WDR41: variants seen among roughly 807,000 people sequenced by gnomAD.
WDR41 encodes WD repeat domain 41, also known as WD repeat-containing protein 41.
WDR41 carries 63 observed loss-of-function variants against 69.3 expected under a neutral mutation model. The observed-to-expected ratio is 0.91, with a 90% CI of 0.74 to 1.12. WDR41 has a LOEUF of 1.12. WDR41 is among the 50% of genes most tolerant of loss of function. The pLI, the probability that WDR41 is intolerant of heterozygous loss-of-function variation, is 0.00. For synonymous variants in WDR41, 185 were observed against 192.1 expected, an observed-to-expected ratio of 0.96 and a Z score of 0.31; for missense variants, 543 against 534.5, an observed-to-expected ratio of 1.02 and a Z score of -0.16.
At chr5:77,507,656 T>G (rs1350951061) in intron 1 of WDR41, among the ~76,000 whole-genome samples, 1 of 152,194 alleles carries the variant, frequency 6.6e-6, no homozygotes, top group Non-Finnish European at 1.5e-5. Flanking sequence ...GCTGTAATAT[T>G]AGGTGGAAAA....
chr5:77,527,725 A>T (rs1802469679), intron 1 of WDR41, among the ~76,000 whole-genome samples: 1 of 151,918 alleles, frequency 6.6e-6, no homozygotes, highest in Non-Finnish European at 1.5e-5. Context: ...CAAAGAACTG[A>T]TATGAGACAG....
intron 1 of WDR41, among the ~76,000 whole-genome samples, chr5:77,573,048 A>G (rs1251719239): frequency 6.6e-6 from 1 of 152,178 alleles, no homozygotes; most frequent in Non-Finnish European, 1.5e-5. Flanking sequence ...ACAATTGTAC[A>G]TGATGCCACA....
rs1391014786 is a variant in WDR41 at position 77,432,326 on chromosome 5, T to G, written c.*809A>C. ...CTGGTTATAGTGTCTCAATGGACAC[T>G]GCAAAGAACTACATAAAAGAAGTCT... On this transcript the variant is annotated 3_prime_UTR_variant, in exon 13 of 13. Transcript: ENST00000296679. 1 of 152,344 alleles carries G rather than the reference T, an allele frequency of 6.6e-6. No individual in the cohort carries two copies. The highest frequency in any genetic ancestry group is 1.5e-5 in the Non-Finnish European group (1 of 68,044). The allele number at this position is 152,344 out of a possible 1,614,324, so 9.4% of individuals were successfully genotyped here.
intron 8 of WDR41, 129 bp from the exon 9 acceptor site, chr5:77,441,126 C>A: frequency 1.1e-6 from 1 of 878,264 alleles, no homozygotes; most frequent in Non-Finnish European, 1.6e-6. Context: ...CTAGGCAAGC[C>A]AACAGAAAGA....
At chr5:77,526,322 T>TA (rs57620677) in intron 1 of WDR41, among the ~76,000 whole-genome samples, 1 of 152,124 alleles carries the variant, frequency 6.6e-6, no homozygotes, top group East Asian at 1.9e-4. Context: ...TTTTTTTTTT[T>TA]ACTACAATGT....
chr5:77,487,306 T>C (rs1229432060), intron 2 of WDR41, among the ~76,000 whole-genome samples: 1 of 152,154 alleles, frequency 6.6e-6, no homozygotes, highest in East Asian at 1.9e-4. Flanking sequence ...GGGTAAAATA[T>C]AGCGCAAGAA....
upstream of WDR41, among the ~76,000 whole-genome samples, chr5:77,496,827 G>T (rs1195694077): frequency 6.6e-6 from 1 of 152,174 alleles, no homozygotes; most frequent in South Asian, 2.1e-4. Context: ...AGAAAATAAG[G>T]TTGGAGGACT....
chr5:77,451,013 AGT>A (rs1799607508), intron 7 of WDR41, among the ~76,000 whole-genome samples: 1 of 152,200 alleles, frequency 6.6e-6, no homozygotes, highest in Non-Finnish European at 1.5e-5. Flanking sequence ...ATTCTACTTT[AGT>A]TGGAATATTA....
intron 12 of WDR41, among the ~76,000 whole-genome samples, chr5:77,435,084 C>T (rs779041067): frequency 6.6e-6 from 1 of 152,120 alleles, no homozygotes; most frequent in African/African-American, 2.4e-5. Flanking sequence ...TCCTTGCCAC[C>T]ACGTAAATGC....
At chr5:77,524,993 G>T (rs1185197581) in intron 1 of WDR41, among the ~76,000 whole-genome samples, 1 of 152,172 alleles carries the variant, frequency 6.6e-6, no homozygotes, top group African/African-American at 2.4e-5. Flanking sequence ...GTCCTCTGGA[G>T]GATGCACCAC....
intron 1 of WDR41, chr5:77,582,929 T>A: frequency 6.2e-7 from 1 of 1,609,638 alleles, no homozygotes; most frequent in South Asian, 1.1e-5. Flanking sequence ...TACGGCATTA[T>A]CTGCATGGAG....
At chr5:77,585,819 G>A (rs1744027630) in intron 1 of WDR41, among the ~76,000 whole-genome samples, 1 of 152,046 alleles carries the variant, frequency 6.6e-6, no homozygotes, top group African/African-American at 2.4e-5. Flanking sequence ...TTGGGGACTT[G>A]GGGGGAAGAA....
intron 9 of WDR41, 32 bp downstream of exon 9, chr5:77,440,781 G>C (rs1316023652): frequency 6.2e-7 from 1 of 1,601,192 alleles, no homozygotes; most frequent in Non-Finnish European, 8.5e-7. Context: ...TATGTCAAAG[G>C]CAAGTTTATA....
At chr5:77,554,727 G>A (rs948638677) in intron 1 of WDR41, among the ~76,000 whole-genome samples, 1 of 151,852 alleles carries the variant, frequency 6.6e-6, no homozygotes, top group African/African-American at 2.4e-5. Context: ...TAAGACAGTG[G>A]TGTAGTTATA....
chr5:77,585,141 A>T (rs9688272), intron 1 of WDR41, among the ~76,000 whole-genome samples: 98,242 of 151,022 alleles, frequency 0.65, 33,417 homozygotes, highest in African/African-American at 0.86. Context: ...AAAAAAAAGA[A>T]CCCATCAAAA....
intron 7 of WDR41, among the ~76,000 whole-genome samples, chr5:77,450,529 A>G (rs1447218302): frequency 6.6e-6 from 1 of 152,226 alleles, no homozygotes; most frequent in African/African-American, 2.4e-5. Flanking sequence ...GAAAACCCAT[A>G]ATAAAATCCA....
At chr5:77,514,751 G>A (rs901455638) in intron 1 of WDR41, among the ~76,000 whole-genome samples, 3 of 152,166 alleles carry the variant, frequency 2.0e-5, no homozygotes, top group African/African-American at 7.2e-5. Flanking sequence ...ATATGGTCTA[G>A]CCCATTGCTC....
intron 2 of WDR41, among the ~76,000 whole-genome samples, chr5:77,471,897 A>T (rs2111980845): frequency 6.6e-6 from 1 of 152,348 alleles, no homozygotes; most frequent in African/African-American, 2.4e-5. Flanking sequence ...CAATCAACAG[A>T]AAAAGAGGGA....
chr5:77,612,712 C>T lies in WDR41; in HGVS notation c.42+7767G>A, dbSNP rs938586646. ...AAACTGAATGGGCAAAAACTGGAAG[C>T]ATTCCCTTTGAAAACTGGCACAAGA... On this transcript the variant is annotated intron_variant, in intron 1 of 5. Coordinates refer to the WDR41 transcript ENST00000509971. Among the ~76,000 whole-genome samples the T allele has an allele frequency of 3.9e-4, 59 of 152,048 alleles. 1 individual carries two copies. The highest frequency in any genetic ancestry group is 7.8e-4 in the Non-Finnish European group (53 of 67,970).
Sources: allele counts gnomAD v4.1 joint callset (sites outside exome capture counted in the v4.1 genomes callset), GRCh38; gene constraint gnomAD v4.1.1; transcripts MANE v1.5; gene names NCBI Gene and HGNC (gene_info 2026-07-23, HGNC 2026-07-21).